The following RIC1 variants were observed in gnomAD, a reference collection of about 807,000 sequenced individuals.
The protein encoded by RIC1 is RIC1 partner of RAB6A GEF complex.
RIC1 carries 88 observed loss-of-function variants against 169.0 expected under a neutral mutation model. The observed-to-expected ratio is 0.52, with a 90% CI of 0.44 to 0.62. RIC1 has a LOEUF of 0.62. RIC1 is among the 20% of genes least tolerant of loss of function. RIC1 has a pLI of 0.00. For synonymous variants in RIC1, 790 were observed against 601.5 expected, an observed-to-expected ratio of 1.31 and a Z score of -4.59; for missense variants, 1,877 against 1,725.5, an observed-to-expected ratio of 1.09 and a Z score of -1.56.
At chr9:5,638,524 T>C (rs1316007652) in intron 1 of RIC1, among the ~76,000 whole-genome samples, 1 of 152,230 alleles carries the variant, frequency 6.6e-6, no homozygotes, top group African/African-American at 2.4e-5. Context: ...TCACTGTTGT[T>C]AGTCTGTTCA....
rs144645430 is a variant in RIC1, at chr9:5,775,313, CTT to C, written c.*1068_*1069del. ...TAAAGAATGCATTCTTCATTGTAAA[CTT>C]AAAGTATTTTATGTACTTCTAGAAA... On this transcript the variant is annotated 3_prime_UTR_variant, in exon 26 of 26. Coordinates refer to ENST00000414202, the MANE Select transcript of RIC1 (RefSeq NM_020829.4). 2.6e-5 allele frequency: 4 copies of C among 152,254 alleles called. No homozygotes were observed. Among genetic ancestry groups the C allele is most frequent in the East Asian group, 1.9e-4 (1 of 5,188 alleles). 9.4% of individuals were successfully genotyped at this position (152,254 alleles called of 1,614,324 possible).
intron 7 of RIC1, among the ~76,000 whole-genome samples, chr9:5,735,210 A>T (rs760732419): frequency 6.6e-6 from 1 of 151,792 alleles, no homozygotes; most frequent in African/African-American, 2.4e-5. Flanking sequence ...TTTCCTCATG[A>T]TGGCATTTAC....
At chr9:5,689,130 G>A (rs1225349323) in intron 2 of RIC1, among the ~76,000 whole-genome samples, 2 of 131,302 alleles carry the variant, frequency 1.5e-5, no homozygotes, top group African/African-American at 2.9e-5. Flanking sequence ...CTCACTGCAA[G>A]CTCCGCCTTC....
chr9:5,740,237 T>G (rs1195155558), intron 8 of RIC1, among the ~76,000 whole-genome samples: 1 of 152,132 alleles, frequency 6.6e-6, no homozygotes, highest in Non-Finnish European at 1.5e-5. Context: ...ATGCATTTAT[T>G]TTGCATAACT....
At chr9:5,645,466 C>G (rs1199832570) in intron 1 of RIC1, among the ~76,000 whole-genome samples, 1 of 152,210 alleles carries the variant, frequency 6.6e-6, no homozygotes, top group Non-Finnish European at 1.5e-5. Flanking sequence ...TTCACATTAT[C>G]ATGTAACCAT....
intron 1 of RIC1, among the ~76,000 whole-genome samples, chr9:5,635,971 A>G (rs1348930982): frequency 6.6e-6 from 1 of 152,186 alleles, no homozygotes; most frequent in Non-Finnish European, 1.5e-5. Context: ...GTGAAAATGG[A>G]CTAACACACA....
At position 5,775,863 on chromosome 9, in the gene RIC1, C is replaced by CTAT. The variant is rs2131172378; in HGVS notation, c.*1619_*1621dup. ...TTATTGGTACCTGGTCCTTCTGGTG[C>CTAT]TATTTTTATTTAAGTCTTTGTTTCA... On this transcript the variant is annotated 3_prime_UTR_variant, in exon 26 of 26. Coordinates refer to ENST00000414202, the MANE Select transcript of RIC1 (RefSeq NM_020829.4). The CTAT allele has an allele frequency of 6.6e-6, 1 of 152,244 alleles. No individual in the cohort carries two copies. Among genetic ancestry groups the CTAT allele is most frequent in the East Asian group, 1.9e-4 (1 of 5,186 alleles). 9.4% of individuals were successfully genotyped at this position (152,244 alleles called of 1,614,324 possible).
In RIC1 at chr9:5,716,988, A is replaced by C. The variant is rs188369880; in HGVS notation, c.440+2985A>C. 1.6e-3 allele frequency among the ~76,000 whole-genome samples: 251 copies of C among 152,292 alleles called. 1 individual carries two copies. The highest frequency in any genetic ancestry group is 2.9e-3 in the Non-Finnish European group (197 of 68,024). On this transcript the variant is annotated intron_variant, in intron 4 of 25. Transcript: ENST00000414202. ...GCCTGGCTCAGCCTTTGTTTTAACA[A>C]GTTTGTCCACTTTCAATTAAATGAG... is the stretch of plus-strand genomic sequence containing the variant.
At chr9:5,633,841 C>G (rs1195146578) in intron 1 of RIC1, among the ~76,000 whole-genome samples, 2 of 152,058 alleles carry the variant, frequency 1.3e-5, no homozygotes, top group African/African-American at 4.8e-5. Context: ...CATTAGGTCC[C>G]CAGAACGTAT....
At position 5,745,941 on chromosome 9, in the gene RIC1, C is replaced by T; in HGVS notation, c.1106C>T (p.Ala369Val). The T allele has an allele frequency of 2.5e-6, 4 of 1,612,808 alleles. No homozygotes were observed. The highest frequency in any genetic ancestry group is 3.4e-6 in the Non-Finnish European group (4 of 1,179,134). The stretch of plus-strand genomic sequence containing the variant: ...CCTCTTCTCTCTAAGAGCTGGGGTG[C>T]AGAAGGCTATCACCTATGGGTAATC... ...PLKINSMSWG[A>V]EGYHLWVISG... is the part of the protein sequence containing the mutation. Residue 369 changes from alanine to valine, a missense_variant, in exon 11 of 26, where the codon GCA (alanine) becomes GTA (valine). By Grantham distance (64) the Ala-to-Val change is moderately conservative. Coordinates refer to ENST00000414202, the MANE Select transcript of RIC1 (RefSeq NM_020829.4).
At chr9:5,640,471 A>G (rs989635813) in intron 1 of RIC1, among the ~76,000 whole-genome samples, 2 of 152,096 alleles carry the variant, frequency 1.3e-5, no homozygotes, top group Non-Finnish European at 1.5e-5. Context: ...TTACTGTACT[A>G]TGTCTTGAAA....
chr9:5,658,800 T>C (rs1417086207), intron 2 of RIC1, among the ~76,000 whole-genome samples: 1 of 151,402 alleles, frequency 6.6e-6, no homozygotes, highest in Non-Finnish European at 1.5e-5. Context: ...TGGGTAGTGA[T>C]AAAAGTTTAT....
At chr9:5,696,465 G>A (rs1188080183) in intron 3 of RIC1, among the ~76,000 whole-genome samples, 4 of 151,992 alleles carry the variant, frequency 2.6e-5, no homozygotes, top group Admixed American at 2.6e-4. Context: ...TCAGACATCT[G>A]TTGTACTCTA....
At position 5,773,839 on chromosome 9, in the gene RIC1, T is replaced by C. The variant is rs79497095; in HGVS notation, c.3984-119T>C. On this transcript the variant is annotated intron_variant, in intron 25 of 25. Transcript: ENST00000414202. ...CTCCCTACCTTCTTTGCCTCCTCTCTCCCCTCCTAATCTATCGTCGTCTTT... is the reference window on the plus strand; with the variant it reads ...CTCCCTACCTTCTTTGCCTCCTCTCCCCCCTCCTAATCTATCGTCGTCTTT... 2,294 of 941,810 alleles carry C rather than the reference T, an allele frequency of 2.4e-3. 45 individuals are homozygous for C. The African/African-American group carries it at 0.034, about 14-fold the overall frequency. The allele number at this position is 941,810 out of a possible 1,614,324, so 58.3% of individuals were successfully genotyped here.
At chr9:5,760,840 C>T (rs1826283679) in intron 17 of RIC1, among the ~76,000 whole-genome samples, 1 of 152,120 alleles carries the variant, frequency 6.6e-6, no homozygotes, top group Non-Finnish European at 1.5e-5. Context: ...CTGCTGTTTT[C>T]TTGATGAACC....
intron 2 of RIC1, among the ~76,000 whole-genome samples, chr9:5,667,096 G>C (rs543138383): frequency 6.6e-6 from 1 of 152,068 alleles, no homozygotes; most frequent in African/African-American, 2.4e-5. Flanking sequence ...AAGCTGAGGC[G>C]GGAGGATTGC....
intron 17 of RIC1, 120 bp from the exon 18 acceptor site, chr9:5,762,421 T>C (rs1343860909): frequency 4.8e-6 from 6 of 1,240,560 alleles, no homozygotes; most frequent in Non-Finnish European, 6.8e-6. Flanking sequence ...TGGCTGTACA[T>C]AGTACAACCT....
At chr9:5,679,465 T>C (rs375555995) in intron 2 of RIC1, among the ~76,000 whole-genome samples, 2 of 152,196 alleles carry the variant, frequency 1.3e-5, no homozygotes, top group Non-Finnish European at 2.9e-5. Flanking sequence ...ATTCTTCCTA[T>C]CCATGAGCAT....
intron 2 of RIC1, among the ~76,000 whole-genome samples, chr9:5,679,077 C>A (rs1475035086): frequency 6.6e-6 from 1 of 152,094 alleles, no homozygotes; most frequent in African/African-American, 2.4e-5. Context: ...AGCCAGTTTT[C>A]CCAGCACCAT....
Sources: gnomAD v4.1 joint callset for allele counts (sites outside exome capture counted in the v4.1 genomes callset) on GRCh38, gnomAD v4.1.1 for gene constraint, MANE v1.5 for transcripts, NCBI Gene and HGNC (gene_info 2026-07-23, HGNC 2026-07-21) for gene names.